Variants in SDHA observed in about 807,000 individuals in gnomAD.
SDHA encodes the protein succinate dehydrogenase [ubiquinone] flavoprotein subunit, mitochondrial.
A neutral mutation model predicts 78.4 loss-of-function variants in SDHA; 48 were observed. The observed-to-expected ratio is 0.61, with a 90% confidence interval of 0.49 to 0.78. SDHA has a LOEUF of 0.78. Ranked by LOEUF, SDHA falls within the 30% of genes least tolerant of loss-of-function variation. The pLI is 0.00. For synonymous variants in SDHA, 326 were observed against 353.9 expected (o/e 0.92, Z 0.88); for missense variants, 680 against 892.7 (o/e 0.76, Z 3.04).
At chr5:227,027 T>C (rs1467724490) in intron 5 of SDHA, among the ~76,000 whole-genome samples, 4 of 152,198 alleles carry the variant, frequency 2.6e-5, no homozygotes, top group Non-Finnish European at 5.9e-5. Context: ...TGTTTTGTTT[T>C]TGAGACGGAG....
chr5:229,528 A>G (rs990101020), intron 6 of SDHA, among the ~76,000 whole-genome samples: 1 of 152,244 alleles, frequency 6.6e-6, no homozygotes, highest in Non-Finnish European at 1.5e-5. Flanking sequence ...CATGTCACTC[A>G]TGTGGAATCT....
In SDHA at chr5:228,010, C is replaced by G; in HGVS notation, c.622-175C>G. 7 of 667,930 alleles carry G rather than the reference C, an allele frequency of 1.0e-5. No individual in the cohort carries two copies. In the South Asian group the frequency reaches 1.1e-4, roughly 11 times the overall value. The allele number at this position is 667,930 out of a possible 1,614,324, so 41.4% of individuals were successfully genotyped here. On this transcript the variant is annotated intron_variant, in intron 5 of 14. Transcript: ENST00000264932. Reference sequence around the variant, plus strand: ...GCACACCTGCCTTGTCTGTACTGCTCGGCGTGGAATGCCTCTCGGGCTCTG... The same window carrying G: ...GCACACCTGCCTTGTCTGTACTGCTGGGCGTGGAATGCCTCTCGGGCTCTG...
At chr5:242,172 A>T (rs1736182773) in intron 11 of SDHA, among the ~76,000 whole-genome samples, 1 of 152,082 alleles carries the variant, frequency 6.6e-6, no homozygotes, top group Non-Finnish European at 1.5e-5. Context: ...AGTAAGAAGC[A>T]AAAAAAAGAA....
intron 4 of SDHA, 61 bp from the exon 5 acceptor site, chr5:225,822 G>A (rs1734982224): frequency 5.0e-6 from 8 of 1,591,612 alleles, no homozygotes; most frequent in Non-Finnish European, 6.9e-6. Context: ...GTGTAGATTA[G>A]CTGCGAATAT....
chr5:265,102 G>A, the SDHA span, among the ~76,000 whole-genome samples: 1 of 152,184 alleles, frequency 6.6e-6, no homozygotes, highest in Non-Finnish European at 1.5e-5. Context: ...AGCTATTCAG[G>A]AGGCTGAGGC....
intron 9 of SDHA, 101 bp from the exon 10 acceptor site, chr5:236,327 T>C: frequency 7.9e-7 from 1 of 1,267,420 alleles, no homozygotes; most frequent in Non-Finnish European, 1.2e-6. Context: ...CCTGGCCTAC[T>C]TCCCTCTCTC....
chr5:236,121 T>G, intron 9 of SDHA: 1 of 405,764 alleles, frequency 2.5e-6, no homozygotes, highest in Non-Finnish European at 4.7e-6. Context: ...GCCTCCCAGG[T>G]TCAAGTGATT....
intron 10 of SDHA, among the ~76,000 whole-genome samples, chr5:240,001 T>G (rs1172566590): frequency 3.9e-5 from 6 of 152,214 alleles, no homozygotes; most frequent in African/African-American, 7.2e-5. Flanking sequence ...ATTCCTGACC[T>G]CAAGTGATCC....
At chr5:242,744 T>G (rs1369660589) in intron 11 of SDHA, among the ~76,000 whole-genome samples, 1 of 152,186 alleles carries the variant, frequency 6.6e-6, no homozygotes, top group Non-Finnish European at 1.5e-5. Context: ...ACCTGAGTAC[T>G]CTTACGCAGT....
intron 14 of SDHA, among the ~76,000 whole-genome samples, chr5:255,175 C>G (rs1737109252): frequency 9.2e-6 from 1 of 108,642 alleles, no homozygotes; most frequent in Non-Finnish European, 1.7e-5. Context: ...AAGCACAGTT[C>G]ACCTGTGTGG....
In SDHA at chr5:225,956, G is replaced by C. The variant is rs1553997783; in HGVS notation, c.530G>C (p.Ser177Thr). ...KIYQRAFGGQ[S>T]LKFGKGGQAH... Reference sequence around the variant, plus strand: ...TATCAGCGTGCATTTGGTGGACAGAGCCTCAAGTTTGGAAAGGGCGGGCAG... The same window carrying C: ...TATCAGCGTGCATTTGGTGGACAGACCCTCAAGTTTGGAAAGGGCGGGCAG... The change falls in exon 5 of 15, where the codon AGC becomes ACC. Residue 177 changes from serine (S) to threonine (T), a missense_variant. Ser to Thr is a moderately conservative substitution (Grantham distance 58). Coordinates refer to ENST00000264932, the MANE Select transcript of SDHA (RefSeq NM_004168.4). 1 of 1,614,010 alleles carries C rather than the reference G, an allele frequency of 6.2e-7. No homozygotes were observed. The highest frequency in any genetic ancestry group is 8.5e-7 in the Non-Finnish European group (1 of 1,180,054).
At chr5:268,735 G>A in the SDHA span, among the ~76,000 whole-genome samples, 2 of 152,176 alleles carry the variant, frequency 1.3e-5, no homozygotes, top group Admixed American at 1.3e-4. Flanking sequence ...AATATTAAAA[G>A]GGTGGATTCT....
intron 14 of SDHA, 95 bp from the exon 15 acceptor site, chr5:256,239 A>G: frequency 1.1e-6 from 1 of 907,666 alleles, no homozygotes; most frequent in Non-Finnish European, 1.9e-6. Flanking sequence ...CATGCCATAA[A>G]TCTACTTTTA....
Position 251,114 on chromosome 5 carries a change from A to C in SDHA, c.1663+11A>C, listed in dbSNP as rs1037190778. 6.2e-7 allele frequency: 1 copy of C among 1,609,792 alleles called. No homozygotes were observed. Among genetic ancestry groups the C allele is most frequent in the African/African-American group, 1.3e-5 (1 of 74,928 alleles). Reference sequence around the variant, plus strand: ...AGACGTTCGACCGGGGTGAGCAGACAGTGGGCTCTGTGCACACTGTTGGGC... The same window carrying C: ...AGACGTTCGACCGGGGTGAGCAGACCGTGGGCTCTGTGCACACTGTTGGGC... On this transcript the variant is annotated intron_variant, in intron 12 of 14. Coordinates refer to ENST00000264932, the MANE Select transcript of SDHA (RefSeq NM_004168.4).
intron 14 of SDHA, among the ~76,000 whole-genome samples, chr5:254,766 G>A (rs1190096612): frequency 6.6e-6 from 1 of 152,132 alleles, no homozygotes; most frequent in Non-Finnish European, 1.5e-5. Context: ...ACGTCACTGG[G>A]CAGGAGCAAG....
chr5:233,630 A>T lies in SDHA; in HGVS notation c.1049A>T (p.Glu350Val). ...GTGGTGTCTCGGTCCATGACTCTGG[A>T]GATCCGAGAAGGAAGGTGCGTGTGA... is the stretch of plus-strand genomic sequence containing the variant. The part of the protein sequence containing the change: ...RDVVSRSMTL[E>V]IREGRGCGPE... Residue 350 changes from glutamate to valine, a missense_variant, in exon 8 of 15, where the codon GAG becomes GTG. Physicochemically the swap from Glu to Val is moderately radical, Grantham distance 121 (BLOSUM62 -2). Coordinates refer to ENST00000264932, the MANE Select transcript of SDHA (RefSeq NM_004168.4). 6.2e-7 allele frequency: 1 copy of T among 1,613,946 alleles called. No individual in the cohort carries two copies.
At chr5:248,228 T>A (rs1736591969) in intron 11 of SDHA, among the ~76,000 whole-genome samples, 1 of 151,462 alleles carries the variant, frequency 6.6e-6, no homozygotes, top group South Asian at 2.1e-4. Flanking sequence ...AGGAAGAGAT[T>A]CTGGGAGGAT....
chr5:231,839 A>T (rs190992367), intron 7 of SDHA, among the ~76,000 whole-genome samples: 59 of 152,268 alleles, frequency 3.9e-4, no homozygotes, highest in Middle Eastern at 3.4e-3. Context: ...ACAGAACCCC[A>T]TGTGACATTG....
chr5:262,269 T>A, the SDHA span, among the ~76,000 whole-genome samples: 4 of 124,100 alleles, frequency 3.2e-5, no homozygotes, highest in African/African-American at 1.1e-4. Context: ...AGCATTACCG[T>A]GTGAGCTCCG....
Sources: gnomAD v4.1 joint callset for allele counts (sites outside exome capture counted in the v4.1 genomes callset) on GRCh38, gnomAD v4.1.1 for gene constraint, MANE v1.5 for transcripts, NCBI Gene and HGNC (gene_info 2026-07-23, HGNC 2026-07-21) for gene names.